Variants in IFI6 observed in about 807,000 individuals in gnomAD.
IFI6 encodes the protein interferon alpha-inducible protein 6.
Under a neutral mutation model 12.7 loss-of-function variants are expected in IFI6, and 10 were observed. The observed-to-expected ratio is 0.79, with a 90% CI of 0.49 to 1.33. The LOEUF (loss-of-function observed/expected upper bound fraction) is 1.33. IFI6 is among the 40% of genes most tolerant of loss of function. The probability of loss-of-function intolerance (pLI) is 0.00; values close to 1 mark genes in which losing one functional copy is unlikely to be tolerated. For missense variants in IFI6, 154 were observed against 180.4 expected, an observed-to-expected ratio of 0.85 and a Z score of 0.84; for synonymous variants, 89 against 86.2, an observed-to-expected ratio of 1.03 and a Z score of -0.18.
chr1:27,666,593 T>C (rs2090353695), intron 4 of IFI6, 118 bp from the exon 5 acceptor site: 1 of 635,912 alleles, frequency 1.6e-6, no homozygotes. Context: ...ACAGAGGCCC[T>C]GAGAGGGGAT....
At chr1:27,671,589 T>G (rs1343136296) in intron 1 of IFI6, among the ~76,000 whole-genome samples, 1 of 151,712 alleles carries the variant, frequency 6.6e-6, no homozygotes. Context: ...GGTTTCACTG[T>G]GTTAGCCAGG....
Position 27,668,502 on chromosome 1 carries a change from C to A in IFI6, c.104G>T (p.Gly35Val). The A allele has an allele frequency of 6.2e-7, 1 of 1,610,614 alleles. No individual in the cohort carries two copies. The highest frequency in any genetic ancestry group is 1.1e-5 in the South Asian group (1 of 90,194). ...GGTCAGGGCCTTCCAGAACCCGGAG[C>A]CGCTGTCCGAGCTCTCCGAGCACTT... ...KKKCSESSDS[G>V]SGFWKALTFM... Residue 35 changes from glycine (G) to valine (V), a missense_variant, in exon 3 of 5, where the codon GGC becomes GTC. Physicochemically the swap from Gly to Val is moderately radical, Grantham distance 109. Coordinates refer to ENST00000361157, the MANE Select transcript of IFI6 (RefSeq NM_002038.4).
In IFI6 at chr1:27,668,255, C is replaced by A. The variant is rs772420302; in HGVS notation, c.269G>T (p.Gly90Val). Reference sequence around the variant, plus strand: ...GCTCTGCAGCGTGGCCACTAGCCCCCCGGCGGGCACGCCGCCCCCATTCAG... The same window carrying A: ...GCTCTGCAGCGTGGCCACTAGCCCCACGGCGGGCACGCCGCCCCCATTCAG... ...AILNGGGVPA[G>V]GLVATLQSLG... Residue 90 changes from glycine to valine, a missense_variant, in exon 4 of 5, where the codon GGG (glycine) becomes GTG (valine). Coordinates refer to ENST00000361157, the MANE Select transcript of IFI6 (RefSeq NM_002038.4). 1.9e-5 allele frequency: 30 copies of A among 1,574,402 alleles called. No homozygotes were observed. The highest frequency in any genetic ancestry group is 5.3e-5 in the Admixed American group (3 of 56,310).
rs112351344 is a variant in IFI6 at position 27,669,349 on chromosome 1, G to A, written c.-32-3C>T. ...GCGCGCGGGCTCCGTCACTAGACCTGCGAACGGGCGAGAGGGAGATGGTCC... is the reference window on the plus strand; with the variant it reads ...GCGCGCGGGCTCCGTCACTAGACCTACGAACGGGCGAGAGGGAGATGGTCC... On this transcript the variant is annotated splice_region_variant and splice_polypyrimidine_tract_variant and intron_variant, in intron 1 of 4. Coordinates refer to ENST00000361157, the MANE Select transcript of IFI6 (RefSeq NM_002038.4). 5.7e-5 allele frequency: 87 copies of A among 1,535,166 alleles called. No homozygotes were observed. Among genetic ancestry groups the A allele is most frequent in the Non-Finnish European group, 7.2e-5 (82 of 1,132,282 alleles).
intron 4 of IFI6, among the ~76,000 whole-genome samples, chr1:27,667,808 C>A (rs192024201): frequency 3.3e-5 from 5 of 152,216 alleles, no homozygotes; most frequent in Admixed American, 1.3e-4. Flanking sequence ...CGGTGACTCA[C>A]GCCTGTAATC....
At chr1:27,667,414 C>T (rs893650004) in intron 4 of IFI6, among the ~76,000 whole-genome samples, 6 of 152,034 alleles carry the variant, frequency 3.9e-5, no homozygotes, top group Admixed American at 1.3e-4. Context: ...TTGTTTTGAC[C>T]TTTATCTATA....
At chr1:27,668,583 AG>A in intron 2 of IFI6, 48 bp from the exon 3 acceptor site, 1 of 1,476,518 alleles carries the variant, frequency 6.8e-7, no homozygotes, top group Non-Finnish European at 9.3e-7. Flanking sequence ...GGTGGGACAC[AG>A]GGGTCCCCTA....
intron 4 of IFI6, among the ~76,000 whole-genome samples, chr1:27,667,595 CA>C (rs1178644575): frequency 1.3e-5 from 2 of 152,110 alleles, no homozygotes; most frequent in Non-Finnish European, 2.9e-5. Context: ...TGAGCAGATT[CA>C]AAAAATGTTA....
intron 4 of IFI6, among the ~76,000 whole-genome samples, 196 bp from the exon 5 acceptor site, chr1:27,666,671 A>G (rs2090354290): frequency 6.6e-6 from 1 of 152,116 alleles, no homozygotes; most frequent in Non-Finnish European, 1.5e-5. Flanking sequence ...AGTGATGAAA[A>G]AGGCAAAAAT....
intron 4 of IFI6, among the ~76,000 whole-genome samples, chr1:27,667,240 CAAAA>C (rs761365595): frequency 3.3e-4 from 4 of 12,282 alleles, no homozygotes; most frequent in South Asian, 4.1e-3. Flanking sequence ...CCCGTCTCTA[CAAAA>C]AAAAAAAAAA....
chr1:27,669,625 T>A (rs1345582360), intron 1 of IFI6: 1 of 411,146 alleles, frequency 2.4e-6, no homozygotes, highest in Non-Finnish European at 4.6e-6. Flanking sequence ...CTGTGGTTGT[T>A]CCTGGCCTTG....
chr1:27,668,487 T>A lies in IFI6; in HGVS notation c.119A>T (p.Lys40Met). Residue 40 changes from lysine (K) to methionine (M), a missense_variant, in exon 3 of 5, where the codon AAG becomes ATG. Coordinates refer to ENST00000361157, the MANE Select transcript of IFI6 (RefSeq NM_002038.4). ...TCCGACGGCCATGAAGGTCAGGGCCTTCCAGAACCCGGAGCCGCTGTCCGA... is the reference window on the plus strand; with the variant it reads ...TCCGACGGCCATGAAGGTCAGGGCCATCCAGAACCCGGAGCCGCTGTCCGA... ...ESSDSGSGFW[K>M]ALTFMAVGGG... The A allele has an allele frequency of 6.2e-7, 1 of 1,611,802 alleles. No homozygotes were observed. The highest frequency in any genetic ancestry group is 8.5e-7 in the Non-Finnish European group (1 of 1,179,024).
chr1:27,669,139 G>T (rs2090383523), intron 2 of IFI6, 106 bp downstream of exon 2: 1 of 1,284,286 alleles, frequency 7.8e-7, no homozygotes, highest in South Asian at 1.3e-5. Context: ...ATCCTTACCC[G>T]CATCTTTACC....
intron 2 of IFI6, 45 bp from the exon 3 acceptor site, chr1:27,668,580 C>T: frequency 1.3e-6 from 2 of 1,504,172 alleles, no homozygotes; most frequent in South Asian, 2.4e-5. Flanking sequence ...TGGGGTGGGA[C>T]ACAGGGGTCC....
At chr1:27,666,545 C>A in intron 4 of IFI6, 70 bp from the exon 5 acceptor site, 1 of 1,151,666 alleles carries the variant, frequency 8.7e-7, no homozygotes, top group Non-Finnish European at 1.3e-6. Flanking sequence ...GTCTGGAAAC[C>A]ATTGGTTGAG....
At chr1:27,668,148 A>T in intron 4 of IFI6, 78 bp downstream of exon 4, 1 of 1,233,264 alleles carries the variant, frequency 8.1e-7, no homozygotes, top group Non-Finnish European at 1.1e-6. Context: ...TTAATTCCTG[A>T]GTGCCTCAGT....
chr1:27,669,409 T>A, intron 1 of IFI6, 63 bp from the exon 2 acceptor site: 1 of 1,005,692 alleles, frequency 9.9e-7, no homozygotes, highest in Non-Finnish European at 1.5e-6. Flanking sequence ...GCTCCGTTGT[T>A]TTCCCTTCCA....
intron 1 of IFI6, among the ~76,000 whole-genome samples, chr1:27,671,831 CAGAGGAAGTAATTAAGGCTCCA>C (rs1376432437): frequency 1.3e-5 from 2 of 152,146 alleles, no homozygotes; most frequent in Admixed American, 6.5e-5. Context: ...TTTCCTTTTA[CAGAGGAAGTAATTAAGGCTCCA>C]AGAGGTGACA....
chr1:27,671,999 C>G (rs1252670484), intron 1 of IFI6, 124 bp downstream of exon 1: 2 of 152,164 alleles, frequency 1.3e-5, no homozygotes, highest in Non-Finnish European at 2.9e-5. Flanking sequence ...TAAAAGGGAC[C>G]CAGGAGTGCT....
Sources: gnomAD v4.1 joint callset for allele counts (sites outside exome capture counted in the v4.1 genomes callset) on GRCh38, gnomAD v4.1.1 for gene constraint, MANE v1.5 for transcripts, NCBI Gene and HGNC (gene_info 2026-07-23, HGNC 2026-07-21) for gene names.